The following PPCS variants were observed in gnomAD, a reference collection of about 807,000 sequenced individuals.
The protein encoded by PPCS is phosphopantothenoylcysteine synthetase.
PPCS carries 17 observed loss-of-function variants against 24.6 expected under a neutral mutation model. That is an observed-to-expected ratio of 0.69 (90% CI 0.47 to 1.04). The LOEUF (loss-of-function observed/expected upper bound fraction) is 1.04. Ranked by LOEUF, PPCS falls within the 50% of genes least tolerant of loss-of-function variation. The pLI is 0.00. For missense variants in PPCS, 360 were observed against 402.8 expected (o/e 0.89, Z 0.91); for synonymous variants, 190 against 168.3 (o/e 1.13, Z -1.00).
In PPCS at chr1:42,456,882, G is replaced by C. The variant is rs1190263625; in HGVS notation, c.317G>C (p.Arg106Pro). Residue 106 changes from arginine to proline, a missense_variant, in exon 1 of 3, where the codon CGG becomes CCG. By Grantham distance (103) the Arg-to-Pro change is moderately radical. Around this residue, in one of 2 missense-constraint regions of PPCS, gnomAD observed 244 missense variants for 234.7 expected, o/e 1.04. Transcript: ENST00000372561. ...FPPQTWLSAL[R>P]PSGPALSGLL... ...CCCCAGACTTGGCTGTCCGCTCTGCGGCCTTCGGGCCCAGCCCTTTCGGGC... is the reference window on the plus strand; with the variant it reads ...CCCCAGACTTGGCTGTCCGCTCTGCCGCCTTCGGGCCCAGCCCTTTCGGGC... 3 of 1,613,058 alleles carry C rather than the reference G, an allele frequency of 1.9e-6. No individual in the cohort carries two copies. The highest frequency in any genetic ancestry group is 2.2e-5 in the South Asian group (2 of 91,092).
intron 2 of PPCS, among the ~76,000 whole-genome samples, chr1:42,466,844 G>A (rs376641648): frequency 6.6e-4 from 100 of 152,280 alleles, no homozygotes; most frequent in African/African-American, 2.2e-3. Flanking sequence ...GAGCCTCTGC[G>A]CCCGGCCAAG....
downstream of PPCS, among the ~76,000 whole-genome samples, chr1:42,462,934 C>A (rs1643448947): frequency 6.6e-6 from 1 of 152,236 alleles, no homozygotes; most frequent in Non-Finnish European, 1.5e-5. Context: ...GCACTTCCTG[C>A]CCCTTTAAGA....
At chr1:42,466,404 C>T (rs1274624956) in intron 2 of PPCS, among the ~76,000 whole-genome samples, 1 of 152,200 alleles carries the variant, frequency 6.6e-6, no homozygotes, top group Non-Finnish European at 1.5e-5. Flanking sequence ...TTTGCTTTAC[C>T]ACCTTATTCT....
rs1448500802 is a variant in PPCS at position 42,456,920 on chromosome 1, G to C, written c.355G>C (p.Glu119Gln). The C allele has an allele frequency of 4.3e-6, 7 of 1,609,668 alleles. No homozygotes were observed. The highest frequency in any genetic ancestry group is 5.9e-6 in the Non-Finnish European group (7 of 1,180,020). Residue 119 changes from glutamate to glutamine, a missense_variant, in exon 1 of 3, where the codon GAG (glutamate) becomes CAG (glutamine). Transcript: ENST00000372561. ...GPALSGLLSL[E>Q]AEENALPGFA... is the part of the protein sequence containing the mutation. ...AGCCCTTTCGGGCTTGCTGAGCCTG[G>C]AGGCCGAGGAGAATGCACTTCCGGG...
At position 42,472,265 on chromosome 1, in the gene PPCS, ATAGT is replaced by A. The variant is rs752709559; in HGVS notation, n.378-852_378-849del. ...TAGACTCCATCTCAAAGAAAAAAAA[ATAGT>A]TAGTGGCTCTAGTAACACAGATATC... On this transcript the variant is annotated intron_variant and non_coding_transcript_variant, in intron 2 of 2. Transcript: ENST00000471420. 4.6e-5 allele frequency among the ~76,000 whole-genome samples: 7 copies of A among 152,280 alleles called. No homozygotes were observed. In the East Asian group the frequency reaches 5.8e-4, roughly 13 times the overall value.
chr1:42,466,713 G>A (rs1423682055), intron 2 of PPCS, among the ~76,000 whole-genome samples: 10 of 151,866 alleles, frequency 6.6e-5, no homozygotes, highest in Middle Eastern at 3.4e-3. Context: ...CACCATGCCC[G>A]GCTAATTTTT....
rs534253225 is a variant in PPCS, at chr1:42,470,546, G to A, written n.378-2576G>A. 2.0e-5 allele frequency among the ~76,000 whole-genome samples: 3 copies of A among 152,314 alleles called. No homozygotes were observed. The South Asian group carries it at 6.2e-4, about 32-fold the overall frequency. On this transcript the variant is annotated intron_variant and non_coding_transcript_variant, in intron 2 of 2. Coordinates refer to the PPCS transcript ENST00000471420. ...CAGCATCATTCACAATAGTTGAAAG[G>A]TGGAAACAACTCCAATGTCCATCAA...
chr1:42,466,871 A>T (rs947165022), intron 2 of PPCS, among the ~76,000 whole-genome samples: 2 of 152,120 alleles, frequency 1.3e-5, no homozygotes, highest in African/African-American at 4.8e-5. Flanking sequence ...ATTCTTATGT[A>T]CTTTGTTGTG....
chr1:42,456,580 T>C lies in PPCS; in HGVS notation c.15T>C (p.Asp5=). The part of the protein sequence containing the change: MAEM[D]PVAEFPQPPG... ...CTGCGCTGCAGATGGCGGAAATGGA[T>C]CCGGTAGCCGAGTTCCCCCAGCCTC... The change falls in exon 1 of 3, where the codon GAT becomes GAC. Residue 5 remains aspartate (D), a synonymous_variant. Transcript: ENST00000372561. 2 of 1,488,148 alleles carry C rather than the reference T, an allele frequency of 1.3e-6. No homozygotes were observed. The highest frequency in any genetic ancestry group is 2.7e-5 in the South Asian group (2 of 73,350). The allele number at this position is 1,488,148 out of a possible 1,614,324, so 92.2% of individuals were successfully genotyped here. A position where few individuals can be genotyped will look rare whatever the true frequency, so the allele number is the denominator to read the frequency against.
At position 42,469,021 on chromosome 1, in the gene PPCS, T is replaced by TA. The variant is rs529616688; in HGVS notation, n.378-4088dup. ...AGAAAGTGACATCACAGAACAGAATTAAAAAAAAAAAAACTTTCAGGGAAG... is the reference window on the plus strand; with the variant it reads ...AGAAAGTGACATCACAGAACAGAATTAAAAAAAAAAAAAACTTTCAGGGAAG... On this transcript the variant is annotated intron_variant and non_coding_transcript_variant, in intron 2 of 2. Transcript: ENST00000471420. 9.3e-3 allele frequency among the ~76,000 whole-genome samples: 1,272 copies of TA among 137,470 alleles called. 15 individuals are homozygous for TA. The highest frequency in any genetic ancestry group is 0.028 in the African/African-American group (1,057 of 37,484). The allele number at this position is 137,470 out of a possible 152,430, so 90.2% of individuals were successfully genotyped here.
downstream of PPCS, among the ~76,000 whole-genome samples, chr1:42,465,661 G>T (rs1643555212): frequency 3.9e-5 from 6 of 152,138 alleles, no homozygotes; most frequent in Admixed American, 3.9e-4. Flanking sequence ...CACGGTACCC[G>T]ACCTCTAGCA....
downstream of PPCS, among the ~76,000 whole-genome samples, chr1:42,465,906 T>G (rs992202108): frequency 6.6e-6 from 1 of 152,250 alleles, no homozygotes; most frequent in African/African-American, 2.4e-5. Context: ...TTCATTTTTT[T>G]GTTCTGTCAC....
intron 2 of PPCS, chr1:42,468,631 G>A (rs1196676089): frequency 2.6e-5 from 4 of 152,236 alleles, no homozygotes; most frequent in African/African-American, 9.6e-5. Flanking sequence ...CAACTTCAAT[G>A]TGTTTCTGTT....
Position 42,456,591 on chromosome 1 carries a change from A to G in PPCS, c.26A>G (p.Glu9Gly), listed in dbSNP as rs778637549. ...ATGGCGGAAATGGATCCGGTAGCCGAGTTCCCCCAGCCTCCCGGTGCTGCG... is the reference window on the plus strand; with the variant it reads ...ATGGCGGAAATGGATCCGGTAGCCGGGTTCCCCCAGCCTCCCGGTGCTGCG... MAEMDPVA[E>G]FPQPPGAARW... The change falls in exon 1 of 3, where the codon GAG becomes GGG. Residue 9 changes from glutamate to glycine, a missense_variant. By Grantham distance (98) the Glu-to-Gly change is moderately conservative. Around this residue, in one of 2 missense-constraint regions of PPCS, gnomAD observed 244 missense variants for 234.7 expected, o/e 1.04. Transcript: ENST00000372561. The G allele has an allele frequency of 6.7e-7, 1 of 1,503,032 alleles. No individual in the cohort carries two copies. The highest frequency in any genetic ancestry group is 8.9e-7 in the Non-Finnish European group (1 of 1,128,170). 93.1% of individuals were successfully genotyped at this position (1,503,032 alleles called of 1,614,324 possible). A position where few individuals can be genotyped will look rare whatever the true frequency, so the allele number is the denominator to read the frequency against.
exon 3 of PPCS, chr1:42,473,276 AG>A: frequency 8.1e-7 from 1 of 1,231,520 alleles, no homozygotes; most frequent in Non-Finnish European, 1.0e-6. Context: ...AAGAGCTTAT[AG>A]TGAAGCACAT....
intron 2 of PPCS, among the ~76,000 whole-genome samples, chr1:42,470,018 A>C (rs1481010670): frequency 1.3e-5 from 2 of 152,276 alleles, no homozygotes; most frequent in African/African-American, 2.4e-5. Flanking sequence ...GCACTCAGCA[A>C]CCTAAAATAG....
exon 3 of PPCS, chr1:42,473,241 C>T: frequency 1.6e-6 from 2 of 1,231,548 alleles, no homozygotes; most frequent in Non-Finnish European, 2.0e-6. Context: ...TGAAGACAGG[C>T]TGAGGACTGC....
chr1:42,465,805 C>G (rs1643560347), downstream of PPCS, among the ~76,000 whole-genome samples: 1 of 152,140 alleles, frequency 6.6e-6, no homozygotes, highest in South Asian at 2.1e-4. Context: ...GGATGCTGCT[C>G]CATATCTTAA....
intron 2 of PPCS, among the ~76,000 whole-genome samples, chr1:42,468,010 C>G (rs1218276516): frequency 6.6e-6 from 1 of 152,188 alleles, no homozygotes; most frequent in African/African-American, 2.4e-5. Flanking sequence ...AGACAGAAGA[C>G]CTCATGGGTC....
Sources: gnomAD v4.1 joint callset for allele counts (sites outside exome capture counted in the v4.1 genomes callset) on GRCh38, gnomAD v4.1.1 for gene constraint, gnomAD v4.1.1 regional missense constraint, MANE v1.5 for transcripts, NCBI Gene and HGNC (gene_info 2026-07-23, HGNC 2026-07-21) for gene names.